WNK1: variants seen among roughly 807,000 people sequenced by gnomAD.
WNK1 encodes the protein serine/threonine-protein kinase WNK1.
A neutral mutation model predicts 222.8 loss-of-function variants in WNK1; 38 were observed. The ratio of observed to expected loss-of-function variants is 0.17; its 90% CI spans 0.13 to 0.22. The LOEUF is 0.22. WNK1 is among the 10% of genes least tolerant of loss of function. The pLI is 1.00. For missense variants in WNK1, 2,348 were observed against 2,918.4 expected (o/e 0.80, Z 4.50); for synonymous variants, 1,090 against 1,092.9 (o/e 1.00, Z 0.05).
At chr12:793,142 AT>A (rs1945001451) in intron 1 of WNK1, among the ~76,000 whole-genome samples, 2 of 152,294 alleles carry the variant, frequency 1.3e-5, no homozygotes, top group Non-Finnish European at 2.9e-5. Context: ...TCAGCCAGCC[AT>A]TTAATTTTAG....
At chr12:893,705 C>T (rs1051248342) in intron 22 of WNK1, among the ~76,000 whole-genome samples, 6 of 151,274 alleles carry the variant, frequency 4.0e-5, no homozygotes, top group Non-Finnish European at 8.9e-5. Flanking sequence ...CGCCTGTGGT[C>T]CCAGCTACTC....
chr12:824,510 T>G (rs1189871069), intron 2 of WNK1, among the ~76,000 whole-genome samples: 1 of 152,100 alleles, frequency 6.6e-6, no homozygotes, highest in African/African-American at 2.4e-5. Context: ...ATAATATATG[T>G]GTAATTTTCA....
intron 2 of WNK1, among the ~76,000 whole-genome samples, chr12:816,437 T>TA (rs1947343343): frequency 6.7e-6 from 1 of 149,188 alleles, no homozygotes; most frequent in African/African-American, 2.4e-5. Context: ...ACCTGTCTAA[T>TA]AAAAAAACAA....
intron 9 of WNK1, among the ~76,000 whole-genome samples, chr12:876,750 A>G (rs1299573098): frequency 2.0e-5 from 3 of 152,216 alleles, no homozygotes; most frequent in Admixed American, 6.5e-5. Flanking sequence ...GACTGATGCC[A>G]TTTAGAAATT....
intron 26 of WNK1, among the ~76,000 whole-genome samples, chr12:903,663 C>T (rs901901701): frequency 6.6e-6 from 1 of 152,128 alleles, no homozygotes; most frequent in African/African-American, 2.4e-5. Context: ...CTTGTCACTT[C>T]CCTTTGGGTG....
In WNK1 at chr12:827,520, T is replaced by TTTGTTG. The variant is rs67260587; in HGVS notation, c.1153+280_1153+285dup. 3.6e-5 allele frequency: 17 copies of TTTGTTG among 471,792 alleles called. 1 individual carries two copies. Among genetic ancestry groups the TTTGTTG allele is most frequent in the Non-Finnish European group, 5.7e-5 (15 of 263,756 alleles). The allele number at this position is 471,792 out of a possible 1,614,324, so 29.2% of individuals were successfully genotyped here. Reference sequence around the variant, plus strand: ...GATAAAACCTAATGTAATAGCCTTTTTTGTTGTTGTTGTTGTTGTTGTTGT... The same window carrying TTTGTTG: ...GATAAAACCTAATGTAATAGCCTTTTTTGTTGTTGTTGTTGTTGTTGTTGTTGTTGT... On this transcript the variant is annotated intron_variant, in intron 3 of 27. Transcript: ENST00000315939. The surrounding 1 kb of genome is among the most constrained non-coding windows in gnomAD (Gnocchi z 4.6).
chr12:803,480 A>C (rs1242777133), intron 1 of WNK1, among the ~76,000 whole-genome samples: 1 of 152,232 alleles, frequency 6.6e-6, no homozygotes, highest in East Asian at 1.9e-4. Context: ...TTCATAGAAA[A>C]TAATCTAAAA....
intron 1 of WNK1, among the ~76,000 whole-genome samples, chr12:777,641 A>T (rs1943262015): frequency 6.6e-6 from 1 of 152,210 alleles, no homozygotes. Context: ...CTAGTATATT[A>T]TGAACTGGGA....
Position 884,738 on chromosome 12 carries a change from C to A in WNK1, c.3934C>A (p.Arg1312Ser). ...ACAACAGGCCTTTTCTGAACTTAGACGTGCCCAAATGACAGAAGGACCCAA... is the reference window on the plus strand; with the variant it reads ...ACAACAGGCCTTTTCTGAACTTAGAAGTGCCCAAATGACAGAAGGACCCAA... Reference protein sequence around the residue: ...SLQQAFSELRRAQMTEGPNTA... With the variant: ...SLQQAFSELRSAQMTEGPNTA... Residue 1312 changes from arginine to serine, a missense_variant, in exon 19 of 28, where the codon CGT becomes AGT. Coordinates refer to ENST00000315939, the MANE Select transcript of WNK1 (RefSeq NM_018979.4). The surrounding 1 kb of genome is among the most constrained non-coding windows in gnomAD (Gnocchi z 5.6). The A allele has an allele frequency of 6.2e-7, 1 of 1,614,136 alleles. No individual in the cohort carries two copies. The highest frequency in any genetic ancestry group is 1.1e-5 in the South Asian group (1 of 91,072).
intron 4 of WNK1, among the ~76,000 whole-genome samples, chr12:853,094 G>A (rs1361032427): frequency 6.6e-6 from 1 of 152,122 alleles, no homozygotes; most frequent in African/African-American, 2.4e-5. Context: ...CTGGTAAGGT[G>A]TGTCTCAGTT....
Position 753,273 on chromosome 12 carries a change from A to T in WNK1, c.-293A>T. The T allele has an allele frequency of 7.3e-6, 3 of 413,516 alleles. No individual in the cohort carries two copies. The highest frequency in any genetic ancestry group is 8.7e-6 in the Non-Finnish European group (2 of 230,458). 25.6% of individuals were successfully genotyped at this position (413,516 alleles called of 1,614,324 possible). Reference sequence around the variant, plus strand: ...CGCCCGCCCGGCCGCCGCTCGCCGCAGGATGGATGCGGACCGTGCGGCGCT... The same window carrying T: ...CGCCCGCCCGGCCGCCGCTCGCCGCTGGATGGATGCGGACCGTGCGGCGCT... On this transcript the variant is annotated 5_prime_UTR_variant, in exon 1 of 28. Coordinates refer to ENST00000315939, the MANE Select transcript of WNK1 (RefSeq NM_018979.4). The surrounding 1 kb of genome is among the most constrained non-coding windows in gnomAD (Gnocchi z 5.2).
intron 1 of WNK1, among the ~76,000 whole-genome samples, chr12:792,136 G>A (rs1377771181): frequency 6.6e-6 from 1 of 152,068 alleles, no homozygotes. Context: ...AGCTTGTCAA[G>A]GCAAAGTTTT....
At chr12:900,776 A>T in intron 26 of WNK1, 106 bp downstream of exon 26, 2 of 1,346,402 alleles carry the variant, frequency 1.5e-6, no homozygotes, top group Non-Finnish European at 1.1e-6. Flanking sequence ...ACCAGAACAC[A>T]GCCTGTGTGT....
rs766692581 is a variant in WNK1, at chr12:885,905, A to C, written c.5101A>C (p.Lys1701Gln). 5 of 1,609,108 alleles carry C rather than the reference A, an allele frequency of 3.1e-6. No individual in the cohort carries two copies. The East Asian group carries it at 8.9e-5, about 29-fold the overall frequency. Reference sequence around the variant, plus strand: ...CCCAACTACTGCTGTTGCACCAAGCAAACTCCTGACTTCTACCACAAGTAC... The same window carrying C: ...CCCAACTACTGCTGTTGCACCAAGCCAACTCCTGACTTCTACCACAAGTAC... ...GIPTTAVAPS[K>Q]LLTSTTSTCL... Residue 1701 changes from lysine (K) to glutamine (Q), a missense_variant, in exon 19 of 28, where the codon AAA becomes CAA. Around this residue, in one of 13 missense-constraint regions of WNK1, gnomAD observed 1,144 missense variants for 1,273.6 expected, o/e 0.90. Coordinates refer to ENST00000315939, the MANE Select transcript of WNK1 (RefSeq NM_018979.4).
intron 1 of WNK1, among the ~76,000 whole-genome samples, chr12:784,614 C>T (rs1488738819): frequency 6.6e-6 from 1 of 152,218 alleles, no homozygotes; most frequent in African/African-American, 2.4e-5. Flanking sequence ...ACCATCACCA[C>T]AGTCAAGATA....
intron 7 of WNK1, 44 bp downstream of exon 7, chr12:861,387 A>T (rs1951207611): frequency 6.2e-7 from 1 of 1,600,744 alleles, no homozygotes; most frequent in African/African-American, 1.3e-5. Flanking sequence ...TGATTCTCCT[A>T]ATTGGTTTTT....
intron 2 of WNK1, among the ~76,000 whole-genome samples, chr12:821,302 C>G (rs190992878): frequency 2.6e-4 from 40 of 152,104 alleles, no homozygotes; most frequent in Middle Eastern, 3.4e-3. Flanking sequence ...CTATAGTTTT[C>G]TTTTGGTATC....
intron 2 of WNK1, 148 bp from the exon 3 acceptor site, chr12:826,894 A>G (rs1948402317): frequency 3.1e-6 from 2 of 651,372 alleles, no homozygotes; most frequent in Non-Finnish European, 5.3e-6. Context: ...CCTGCTTACT[A>G]AAAGTATTAT....
At chr12:803,099 TA>T (rs980693755) in intron 1 of WNK1, among the ~76,000 whole-genome samples, 5 of 152,232 alleles carry the variant, frequency 3.3e-5, no homozygotes, top group African/African-American at 1.2e-4. Context: ...AAGCAGCTTC[TA>T]AAAGTATGCT....
Sources: gnomAD v4.1 joint callset for allele counts (sites outside exome capture counted in the v4.1 genomes callset) on GRCh38, gnomAD v4.1.1 for gene constraint, gnomAD v4.1.1 regional missense constraint, Gnocchi (gnomAD v3.1) non-coding constraint, MANE v1.5 for transcripts, NCBI Gene and HGNC (gene_info 2026-07-23, HGNC 2026-07-21) for gene names.